Variants in TPCN1 observed in about 807,000 individuals in gnomAD.
TPCN1 encodes the protein two pore segment channel 1, also known as two pore channel protein 1.
TPCN1 carries 52 observed loss-of-function variants against 108.8 expected under a neutral mutation model. The observed-to-expected ratio is 0.48, with a 90% CI of 0.38 to 0.60. The LOEUF (loss-of-function observed/expected upper bound fraction) is 0.60. TPCN1 is among the 20% of genes least tolerant of loss of function. TPCN1 has a pLI of 0.00. For missense variants in TPCN1, 806 were observed against 1,072.8 expected (o/e 0.75, Z 3.47); for synonymous variants, 446 against 433.7 (o/e 1.03, Z -0.35).
At chr12:113,252,163 A>G (rs1226991575) in intron 2 of TPCN1, among the ~76,000 whole-genome samples, 2 of 152,114 alleles carry the variant, frequency 1.3e-5, no homozygotes, top group African/African-American at 4.8e-5. Flanking sequence ...TTGAAGGGTT[A>G]TGTATCGGGG....
At chr12:113,247,251 G>A (rs1278494232) in intron 2 of TPCN1, among the ~76,000 whole-genome samples, 5 of 152,092 alleles carry the variant, frequency 3.3e-5, no homozygotes, top group South Asian at 2.1e-4. Context: ...TGGGCCTGCC[G>A]GGATTGGTTC....
intron 10 of TPCN1, 148 bp from the exon 11 acceptor site, chr12:113,276,771 C>A: frequency 1.5e-6 from 1 of 649,888 alleles, no homozygotes; most frequent in South Asian, 1.8e-5. Flanking sequence ...CTTCCTACCC[C>A]ATGAGGTGCA....
Position 113,288,721 on chromosome 12 carries a change from G to A in TPCN1, c.1707-37G>A, listed in dbSNP as rs1956172408. On this transcript the variant is annotated intron_variant, in intron 20 of 27. Transcript: ENST00000335509. The surrounding 1 kb of genome is among the most constrained non-coding windows in gnomAD (Gnocchi z 4.8). Reference sequence around the variant, plus strand: ...GGCTGCAGAGGAGCCGTTCCCTCCTGCCGGCCCCGCGTCACCCTGCCCCTG... The same window carrying A: ...GGCTGCAGAGGAGCCGTTCCCTCCTACCGGCCCCGCGTCACCCTGCCCCTG... The A allele has an allele frequency of 1.9e-6, 3 of 1,606,902 alleles. No individual in the cohort carries two copies. Among genetic ancestry groups the A allele is most frequent in the Admixed American group, 1.7e-5 (1 of 59,958 alleles).
At chr12:113,245,492 T>G (rs1339293329) in intron 2 of TPCN1, among the ~76,000 whole-genome samples, 1 of 143,154 alleles carries the variant, frequency 7.0e-6, no homozygotes, top group African/African-American at 2.7e-5. Context: ...TCCCAGCTAC[T>G]CGGGAGGCTG....
Position 113,231,230 on chromosome 12 carries a change from G to A in TPCN1, c.112+4266G>A, listed in dbSNP as rs1953676628. On this transcript the variant is annotated intron_variant, in intron 2 of 27. Transcript: ENST00000335509. The surrounding 1 kb of genome is among the most constrained non-coding windows in gnomAD (Gnocchi z 4.3). ...CACCCCTAACAAAACACCATGGACT[G>A]GTGGCTTAAATGACAGAAATCTAAT... is the stretch of plus-strand genomic sequence containing the variant. Among the ~76,000 whole-genome samples the A allele has an allele frequency of 6.6e-6, 1 of 152,212 alleles. No individual in the cohort carries two copies. Among genetic ancestry groups the A allele is most frequent in the Non-Finnish European group, 1.5e-5 (1 of 68,024 alleles).
rs373690035 is a variant in TPCN1 at position 113,268,714 on chromosome 12, G to C, written c.529-28G>C. 1.9e-6 allele frequency: 3 copies of C among 1,611,424 alleles called. No individual in the cohort carries two copies. In the African/African-American group the frequency reaches 4.0e-5, roughly 22 times the overall value. On this transcript the variant is annotated intron_variant, in intron 5 of 27. Transcript: ENST00000335509. The surrounding 1 kb of genome is among the most constrained non-coding windows in gnomAD (Gnocchi z 7.3). ...GGATGACGGCTGGGCTGCAGGGGCT[G>C]ACGGTGCTCCATGCCTGCCACCCAC...
In TPCN1 at chr12:113,268,978, C is replaced by A; in HGVS notation, c.659+106C>A. Reference sequence around the variant, plus strand: ...TCAGTTAGTGATGAGGTCGACCCTGCATGCTGGTGGAGTACACGCAGACTC... The same window carrying A: ...TCAGTTAGTGATGAGGTCGACCCTGAATGCTGGTGGAGTACACGCAGACTC... On this transcript the variant is annotated intron_variant, in intron 6 of 27. Coordinates refer to ENST00000335509, the MANE Select transcript of TPCN1 (RefSeq NM_017901.6). The surrounding 1 kb of genome is among the most constrained non-coding windows in gnomAD (Gnocchi z 7.3). 1 of 1,322,210 alleles carries A rather than the reference C, an allele frequency of 7.6e-7. No individual in the cohort carries two copies. Among genetic ancestry groups the A allele is most frequent in the South Asian group, 1.3e-5 (1 of 79,444 alleles). The allele number at this position is 1,322,210 out of a possible 1,614,324, so 81.9% of individuals were successfully genotyped here.
At position 113,288,621 on chromosome 12, in the gene TPCN1, C is replaced by T. The variant is rs537689472; in HGVS notation, c.1707-137C>T. The T allele has an allele frequency of 1.1e-4, 169 of 1,522,502 alleles. No individual in the cohort carries two copies. In the Middle Eastern group the frequency reaches 1.2e-3, roughly 11 times the overall value. The allele number at this position is 1,522,502 out of a possible 1,614,324, so 94.3% of individuals were successfully genotyped here. ...GAGCTGCCCCACGAGGCCCCTTCCC[C>T]GCAGGCACTTTCCAGTTGGTGAACC... On this transcript the variant is annotated intron_variant, in intron 20 of 27. Coordinates refer to ENST00000335509, the MANE Select transcript of TPCN1 (RefSeq NM_017901.6). The surrounding 1 kb of genome is among the most constrained non-coding windows in gnomAD (Gnocchi z 4.8).
chr12:113,289,831 C>G lies in TPCN1; in HGVS notation c.1797-297C>G, dbSNP rs1285150504. Reference sequence around the variant, plus strand: ...CAGAGGAGGCCCTTGCCTCTCCTCCCTCCCCTGCAAGCAACGGTGAGAGAG... The same window carrying G: ...CAGAGGAGGCCCTTGCCTCTCCTCCGTCCCCTGCAAGCAACGGTGAGAGAG... On this transcript the variant is annotated intron_variant, in intron 21 of 27. Transcript: ENST00000335509. The surrounding 1 kb of genome is among the most constrained non-coding windows in gnomAD (Gnocchi z 4.1). Among the ~76,000 whole-genome samples the G allele has an allele frequency of 6.6e-6, 1 of 152,204 alleles. No individual in the cohort carries two copies. The highest frequency in any genetic ancestry group is 2.4e-5 in the African/African-American group (1 of 41,444).
intron 2 of TPCN1, among the ~76,000 whole-genome samples, chr12:113,233,024 G>T (rs772278673): frequency 6.6e-6 from 1 of 152,216 alleles, no homozygotes; most frequent in Non-Finnish European, 1.5e-5. Flanking sequence ...AAGGCAGAGC[G>T]TCGGGTGTCA....
chr12:113,247,589 C>T (rs1264345097), intron 2 of TPCN1, among the ~76,000 whole-genome samples: 1 of 152,206 alleles, frequency 6.6e-6, no homozygotes, highest in Non-Finnish European at 1.5e-5. Flanking sequence ...ACGAGGTGGC[C>T]CAGCCCCACC....
At chr12:113,257,651 A>T (rs1351809680) in intron 2 of TPCN1, among the ~76,000 whole-genome samples, 2 of 152,202 alleles carry the variant, frequency 1.3e-5, no homozygotes, top group Admixed American at 1.3e-4. Context: ...TGATCTAGCT[A>T]TTTCACCTCT....
Position 113,226,901 on chromosome 12 carries a change from G to A in TPCN1, c.49G>A (p.Glu17Lys), listed in dbSNP as rs748451315. The change falls in exon 2 of 28, where the codon GAG (glutamate) becomes AAG (lysine). Residue 17 changes from glutamate to lysine, a missense_variant. Coordinates refer to ENST00000335509, the MANE Select transcript of TPCN1 (RefSeq NM_017901.6). ...CGTGCCGCTCATCCTGACCTTGGAT[G>A]AGGGTGGCAGTGCCCCACTGGCTCC... ...DDVPLILTLDEGGSAPLAPSN... is the reference protein window; with the variant it reads ...DDVPLILTLDKGGSAPLAPSN... The A allele has an allele frequency of 6.2e-7, 1 of 1,614,192 alleles. No individual in the cohort carries two copies. The highest frequency in any genetic ancestry group is 8.5e-7 in the Non-Finnish European group (1 of 1,180,040).
chr12:113,265,549 T>C (rs77382717), intron 3 of TPCN1, among the ~76,000 whole-genome samples: 1 of 137,924 alleles, frequency 7.3e-6, no homozygotes, highest in East Asian at 2.3e-4. Context: ...TTTTTCTTTC[T>C]TTTTTTTTTT....
intron 2 of TPCN1, among the ~76,000 whole-genome samples, chr12:113,234,094 TA>T (rs1156655118): frequency 6.6e-6 from 1 of 152,134 alleles, no homozygotes; most frequent in Admixed American, 6.5e-5. Flanking sequence ...TTTCATATTG[TA>T]AAAATAGCAC....
intron 18 of TPCN1, among the ~76,000 whole-genome samples, chr12:113,286,460 G>GCCGC (rs1956086460): frequency 6.6e-6 from 1 of 152,148 alleles, no homozygotes. Context: ...AGCGGAGTTG[G>GCCGC]GAGGAGCCGA....
In TPCN1 at chr12:113,266,317, C is replaced by T. The variant is rs773304969; in HGVS notation, c.375C>T (p.Cys125=). 38 of 1,611,156 alleles carry T rather than the reference C, an allele frequency of 2.4e-5. No homozygotes were observed. The highest frequency in any genetic ancestry group is 3.3e-5 in the South Asian group (3 of 91,078). ...TALLLLLLSL[C]EAPAVPALRL... is the part of the protein sequence containing the mutation. ...TGCTGCTGCTGCTGCTCTCCCTGTG[C>T]GAGGCCCCCGCCGTCCCCGCACTCC... Residue 125 remains cysteine (C), a synonymous_variant, in exon 4 of 28, where the codon TGC becomes TGT. Coordinates refer to ENST00000335509, the MANE Select transcript of TPCN1 (RefSeq NM_017901.6). This position sits in a 1 kb window ranked among gnomAD's most constrained non-coding sequence, Gnocchi z 4.2.
At position 113,266,118 on chromosome 12, in the gene TPCN1, C is replaced by T; in HGVS notation, c.238-62C>T. On this transcript the variant is annotated intron_variant, in intron 3 of 27. Transcript: ENST00000335509. The surrounding 1 kb of genome is among the most constrained non-coding windows in gnomAD (Gnocchi z 4.2). Reference sequence around the variant, plus strand: ...CCTTCCTTTCCTCCCCTGCCCGCGGCTCCTCTTTGGCGTTGGATGGGTCTC... The same window carrying T: ...CCTTCCTTTCCTCCCCTGCCCGCGGTTCCTCTTTGGCGTTGGATGGGTCTC... 1.3e-6 allele frequency: 2 copies of T among 1,579,308 alleles called. No individual in the cohort carries two copies. Among genetic ancestry groups the T allele is most frequent in the Non-Finnish European group, 1.7e-6 (2 of 1,156,062 alleles).
intron 1 of TPCN1, among the ~76,000 whole-genome samples, chr12:113,225,501 C>T (rs895255174): frequency 2.6e-5 from 4 of 151,994 alleles, no homozygotes; most frequent in African/African-American, 7.2e-5. Context: ...TCCCTCCCTC[C>T]GTATTTTAAT....
Sources: allele counts gnomAD v4.1 joint callset (sites outside exome capture counted in the v4.1 genomes callset), GRCh38; gene constraint gnomAD v4.1.1; non-coding constraint Gnocchi (gnomAD v3.1); transcripts MANE v1.5; gene names NCBI Gene and HGNC (gene_info 2026-07-23, HGNC 2026-07-21).